The following STK3 variants were observed in gnomAD, a reference collection of about 807,000 sequenced individuals.
The protein encoded by STK3 is serine/threonine kinase 3.
Under a neutral mutation model 58.0 loss-of-function variants are expected in STK3, and 41 were observed. The observed-to-expected ratio is 0.71, with a 90% CI of 0.55 to 0.92. The LOEUF (loss-of-function observed/expected upper bound fraction) is 0.92, where lower values mean the gene tolerates loss of function less well. STK3 is among the 40% of genes least tolerant of loss of function. STK3 has a pLI of 0.00. For synonymous variants in STK3, 170 were observed against 191.0 expected (o/e 0.89, Z 0.91); for missense variants, 479 against 602.7 (o/e 0.79, Z 2.15).
At chr8:98,921,919 C>G (rs1839580217) in intron 1 of STK3, among the ~76,000 whole-genome samples, 1 of 152,074 alleles carries the variant, frequency 6.6e-6, no homozygotes, top group African/African-American at 2.4e-5. Context: ...GTCTTGAACT[C>G]CTAGCCTCAA....
intron 1 of STK3, among the ~76,000 whole-genome samples, chr8:98,384,289 T>C (rs933466325): frequency 2.6e-5 from 4 of 152,234 alleles, no homozygotes; most frequent in African/African-American, 9.6e-5. Context: ...TCTTTTAGCC[T>C]AATAAAAACC....
chr8:98,875,281 A>G (rs1175817534), intron 3 of STK3: 2 of 152,212 alleles, frequency 1.3e-5, no homozygotes, highest in African/African-American at 4.8e-5. Context: ...TGTTGGTACC[A>G]TAGAAGACAT....
chr8:98,419,986 C>T (rs1818152317), intron 3 of STK3, among the ~76,000 whole-genome samples: 1 of 152,144 alleles, frequency 6.6e-6, no homozygotes, highest in Non-Finnish European at 1.5e-5. Flanking sequence ...CTTGGAATCA[C>T]CATGTGGGGA....
chr8:98,558,705 T>G (rs928142758), intron 8 of STK3, among the ~76,000 whole-genome samples: 1 of 152,088 alleles, frequency 6.6e-6, no homozygotes, highest in Non-Finnish European at 1.5e-5. Context: ...CTTTCTCTCA[T>G]TCCTTTTCTC....
intron 7 of STK3, among the ~76,000 whole-genome samples, chr8:98,586,992 T>A (rs1422522577): frequency 6.6e-6 from 1 of 152,142 alleles, no homozygotes; most frequent in African/African-American, 2.4e-5. Flanking sequence ...CTCTCTTTTT[T>A]TCTTTATTAG....
intron 9 of STK3, among the ~76,000 whole-genome samples, chr8:98,544,649 A>AC (rs1810550457): frequency 7.3e-6 from 1 of 137,522 alleles, no homozygotes; most frequent in African/African-American, 2.7e-5. Context: ...ATTCTACTAT[A>AC]ACACACACAC....
chr8:98,873,998 G>T (rs936720036), intron 3 of STK3, among the ~76,000 whole-genome samples: 2 of 152,116 alleles, frequency 1.3e-5, no homozygotes, highest in African/African-American at 4.8e-5. Context: ...TCCTTTCCAT[G>T]TTTAGTGCTT....
intron 4 of STK3, among the ~76,000 whole-genome samples, chr8:98,727,204 A>G (rs1827853581): frequency 6.6e-6 from 1 of 152,196 alleles, no homozygotes; most frequent in African/African-American, 2.4e-5. Context: ...ATTTGCTCAG[A>G]GAAGGGCACA....
intron 6 of STK3, among the ~76,000 whole-genome samples, chr8:98,670,819 T>C (rs548637665): frequency 6.6e-6 from 1 of 152,342 alleles, no homozygotes; most frequent in Non-Finnish European, 1.5e-5. Flanking sequence ...GACTGAGAGC[T>C]GCTTCATCAC....
chr8:98,917,621 A>C (rs1475947139), intron 1 of STK3, among the ~76,000 whole-genome samples: 2 of 152,174 alleles, frequency 1.3e-5, no homozygotes, highest in African/African-American at 4.8e-5. Flanking sequence ...CTCATCAGAC[A>C]CCGGATCTGG....
intron 3 of STK3, among the ~76,000 whole-genome samples, chr8:98,755,756 C>T (rs1192001293): frequency 6.6e-6 from 1 of 152,144 alleles, no homozygotes; most frequent in Admixed American, 6.5e-5. Flanking sequence ...TTTTATCTGC[C>T]TCCCCCAGAA....
rs191732034 is a variant in STK3, at chr8:98,532,737, T to A, written c.1142-5820A>T. Among the ~76,000 whole-genome samples, 31 of 152,194 alleles carry A rather than the reference T, an allele frequency of 2.0e-4. No individual in the cohort carries two copies. In the East Asian group the frequency reaches 2.7e-3, roughly 13 times the overall value. ...ATGTATTTTACCACAATAAAAAAAA[T>A]TTTTTTAATTACCATCAAAAATGTG... On this transcript the variant is annotated intron_variant, in intron 9 of 10. Coordinates refer to ENST00000419617, the MANE Select transcript of STK3 (RefSeq NM_006281.4).
chr8:98,548,211 T>G, intron 8 of STK3, 50 bp from the exon 9 acceptor site: 1 of 1,347,398 alleles, frequency 7.4e-7, no homozygotes, highest in Non-Finnish European at 9.6e-7. Context: ...GACAGCTGGA[T>G]TTCTTAATTC....
intron 3 of STK3, among the ~76,000 whole-genome samples, chr8:98,761,126 C>CTT (rs71572022): frequency 1.3e-4 from 18 of 140,486 alleles, no homozygotes; most frequent in Admixed American, 6.4e-4. Flanking sequence ...GTGACTTTTT[C>CTT]TTTTTTTTTT....
intron 3 of STK3, among the ~76,000 whole-genome samples, chr8:98,757,586 C>T (rs1231765828): frequency 2.8e-5 from 4 of 143,804 alleles, no homozygotes; most frequent in Non-Finnish European, 6.0e-5. Flanking sequence ...CAGGGCGAGA[C>T]TCCATCTCAA....
Position 98,657,532 on chromosome 8 carries a change from C to G in STK3, c.684+48935G>C, listed in dbSNP as rs990458114. Among the ~76,000 whole-genome samples, 17 of 152,016 alleles carry G rather than the reference C, an allele frequency of 1.1e-4. 1 individual carries two copies. The highest frequency in any genetic ancestry group is 3.9e-4 in the African/African-American group (16 of 41,418). On this transcript the variant is annotated intron_variant, in intron 6 of 10. Transcript: ENST00000419617. ...AGCGAAAAGAAAAGCCACCACAAAT[C>G]TTATAAACGCCATGAAAAATAGATA...
chr8:98,728,528 A>C (rs1392365248), intron 4 of STK3, among the ~76,000 whole-genome samples: 2 of 152,192 alleles, frequency 1.3e-5, no homozygotes, highest in Admixed American at 6.5e-5. Flanking sequence ...GCTGCTTATA[A>C]TCCCTTGATC....
chr8:98,679,587 G>T (rs1253962110), intron 6 of STK3, among the ~76,000 whole-genome samples: 1 of 152,126 alleles, frequency 6.6e-6, no homozygotes, highest in African/African-American at 2.4e-5. Flanking sequence ...TCAATAAAGA[G>T]AAATTTTTAC....
the STK3 span, among the ~76,000 whole-genome samples, chr8:98,363,112 C>T: frequency 6.6e-6 from 1 of 152,190 alleles, no homozygotes; most frequent in South Asian, 2.1e-4. Context: ...CACATGCTTG[C>T]AAATAGATCA....
Sources: allele counts gnomAD v4.1 joint callset (sites outside exome capture counted in the v4.1 genomes callset), GRCh38; gene constraint gnomAD v4.1.1; transcripts MANE v1.5; gene names NCBI Gene and HGNC (gene_info 2026-07-23, HGNC 2026-07-21).